SH3GL2: variants seen among roughly 807,000 people sequenced by gnomAD.
The protein encoded by SH3GL2 is SH3 domain containing GRB2 like 2, endophilin A1, also known as endophilin-A1.
A neutral mutation model predicts 46.0 loss-of-function variants in SH3GL2; 24 were observed. The ratio of observed to expected loss-of-function variants is 0.52; its 90% confidence interval spans 0.38 to 0.73. The LOEUF (loss-of-function observed/expected upper bound fraction) is 0.73, where lower values mean the gene tolerates loss of function less well. Ranked by LOEUF, SH3GL2 falls within the 30% of genes least tolerant of loss-of-function variation. The pLI, the probability that SH3GL2 is intolerant of heterozygous loss-of-function variation, is 0.00. For synonymous variants in SH3GL2, 196 were observed against 147.1 expected (o/e 1.33, Z -2.40); for missense variants, 413 against 424.2 (o/e 0.97, Z 0.23).
chr9:17,586,084 A>G (rs1207025116), intron 1 of SH3GL2, among the ~76,000 whole-genome samples: 2 of 152,204 alleles, frequency 1.3e-5, no homozygotes, highest in African/African-American at 4.8e-5. Flanking sequence ...CTACCAACAA[A>G]ATATTTTCAT....
chr9:17,670,698 C>T (rs908777177), intron 1 of SH3GL2, among the ~76,000 whole-genome samples: 5 of 152,126 alleles, frequency 3.3e-5, no homozygotes, highest in South Asian at 2.1e-4. Flanking sequence ...TTAAGTATGT[C>T]GCATTTGCTT....
At chr9:17,624,542 G>A (rs376752151) in intron 1 of SH3GL2, among the ~76,000 whole-genome samples, 23 of 151,904 alleles carry the variant, frequency 1.5e-4, no homozygotes, top group African/African-American at 5.5e-4. Context: ...TTTATTTTTT[G>A]TGTGCACTCA....
chr9:17,597,877 C>T (rs778117857), intron 1 of SH3GL2, among the ~76,000 whole-genome samples: 5 of 152,200 alleles, frequency 3.3e-5, no homozygotes, highest in Non-Finnish European at 5.9e-5. Flanking sequence ...TCTGGTCCTC[C>T]ATCTTTCTTA....
chr9:17,651,703 G>A (rs953437552), intron 1 of SH3GL2, among the ~76,000 whole-genome samples: 1 of 152,126 alleles, frequency 6.6e-6, no homozygotes, highest in African/African-American at 2.4e-5. Flanking sequence ...GTTGGCTAAA[G>A]AATTCTAGGA....
intron 1 of SH3GL2, among the ~76,000 whole-genome samples, chr9:17,670,020 G>A (rs1283246655): frequency 6.6e-6 from 1 of 152,092 alleles, no homozygotes; most frequent in Non-Finnish European, 1.5e-5. Flanking sequence ...CATAGGGTGT[G>A]AAAAACCAGT....
intron 1 of SH3GL2, among the ~76,000 whole-genome samples, chr9:17,640,206 C>T (rs907355719): frequency 6.6e-6 from 1 of 151,914 alleles, no homozygotes; most frequent in African/African-American, 2.4e-5. Flanking sequence ...ATAGTCTCTG[C>T]CAGTTTATCT....
chr9:17,649,878 A>C (rs998597612), intron 1 of SH3GL2, among the ~76,000 whole-genome samples: 1 of 152,254 alleles, frequency 6.6e-6, no homozygotes, highest in Non-Finnish European at 1.5e-5. Flanking sequence ...GAAAAATCAC[A>C]GTTCAGAGAT....
chr9:17,661,785 A>G (rs1820222736), intron 1 of SH3GL2, among the ~76,000 whole-genome samples: 2 of 152,186 alleles, frequency 1.3e-5, no homozygotes, highest in Non-Finnish European at 2.9e-5. Flanking sequence ...TGGAAACTAC[A>G]GTCTTTAAAA....
chr9:17,634,535 A>G (rs1259503338), intron 1 of SH3GL2, among the ~76,000 whole-genome samples: 1 of 152,168 alleles, frequency 6.6e-6, no homozygotes, highest in African/African-American at 2.4e-5. Context: ...CTCATTGTCA[A>G]CCACTAGAGA....
chr9:17,621,466 A>G (rs914226301), intron 1 of SH3GL2, among the ~76,000 whole-genome samples: 5 of 152,228 alleles, frequency 3.3e-5, no homozygotes, highest in African/African-American at 9.6e-5. Flanking sequence ...TCCCATGATC[A>G]CAATCATATG....
At chr9:17,719,605 C>T (rs932432675) in intron 1 of SH3GL2, among the ~76,000 whole-genome samples, 1 of 151,924 alleles carries the variant, frequency 6.6e-6, no homozygotes, top group Non-Finnish European at 1.5e-5. Flanking sequence ...GCCTGGGCAA[C>T]ATAACAAGAC....
intron 1 of SH3GL2, among the ~76,000 whole-genome samples, chr9:17,628,247 A>G (rs1819330236): frequency 6.6e-6 from 1 of 152,198 alleles, no homozygotes; most frequent in South Asian, 2.1e-4. Context: ...TGAAGTATCT[A>G]ACTCTTCTCT....
At chr9:17,686,682 C>T (rs913901527) in intron 1 of SH3GL2, among the ~76,000 whole-genome samples, 19 of 145,066 alleles carry the variant, frequency 1.3e-4, no homozygotes, top group Non-Finnish European at 2.2e-4. Context: ...AGTAAACTAT[C>T]GCAAGAACAA....
chr9:17,623,315 G>C (rs1217896359), intron 1 of SH3GL2, among the ~76,000 whole-genome samples: 2 of 152,070 alleles, frequency 1.3e-5, no homozygotes, highest in Non-Finnish European at 2.9e-5. Flanking sequence ...TGGGAAGCTA[G>C]CTGGCGAGGT....
chr9:17,627,439 A>C (rs972397150), intron 1 of SH3GL2, among the ~76,000 whole-genome samples: 1 of 152,178 alleles, frequency 6.6e-6, no homozygotes, highest in Non-Finnish European at 1.5e-5. Flanking sequence ...TAAAGGCCTG[A>C]AACTGTGACC....
chr9:17,618,290 C>G (rs747350530), intron 1 of SH3GL2, among the ~76,000 whole-genome samples: 2 of 152,162 alleles, frequency 1.3e-5, no homozygotes, highest in Non-Finnish European at 2.9e-5. Context: ...AAAGAATTAT[C>G]TAGTCCAAAA....
chr9:17,767,750 A>G (rs1221129687), intron 3 of SH3GL2, among the ~76,000 whole-genome samples: 1 of 152,238 alleles, frequency 6.6e-6, no homozygotes, highest in Admixed American at 6.5e-5. Context: ...AATGAAAAAT[A>G]ATCAAAATGC....
At chr9:17,723,940 A>C (rs569018516) in intron 1 of SH3GL2, among the ~76,000 whole-genome samples, 1 of 152,032 alleles carries the variant, frequency 6.6e-6, no homozygotes, top group Admixed American at 6.6e-5. Flanking sequence ...TTATCTTTCA[A>C]CGTTTTGAAG....
chr9:17,754,587 G>T (rs1221870857), intron 2 of SH3GL2, among the ~76,000 whole-genome samples: 2 of 152,046 alleles, frequency 1.3e-5, no homozygotes, highest in African/African-American at 2.4e-5. Context: ...GCAGGAGAAT[G>T]GCTTGAACCC....
Sources: gnomAD v4.1 joint callset for allele counts (sites outside exome capture counted in the v4.1 genomes callset) on GRCh38, gnomAD v4.1.1 for gene constraint, MANE v1.5 for transcripts, NCBI Gene and HGNC (gene_info 2026-07-23, HGNC 2026-07-21) for gene names.